Variants in IL31RA observed in about 807,000 individuals in gnomAD.
The protein encoded by IL31RA is interleukin 31 receptor A.
In IL31RA, 66 loss-of-function variants were observed where a neutral mutation model predicts 83.7. That is an observed-to-expected ratio of 0.79 (90% CI 0.65 to 0.97). The LOEUF (loss-of-function observed/expected upper bound fraction) is 0.97, where lower values mean the gene tolerates loss of function less well. IL31RA is among the 50% of genes least tolerant of loss of function. The probability of loss-of-function intolerance (pLI) is 0.00; values close to 1 mark genes in which losing one functional copy is unlikely to be tolerated. For missense variants in IL31RA, 798 were observed against 919.4 expected (o/e 0.87, Z 1.71); for synonymous variants, 325 against 329.0 (o/e 0.99, Z 0.13).
the IL31RA span, among the ~76,000 whole-genome samples, chr5:55,841,824 T>TA: frequency 6.6e-6 from 1 of 151,870 alleles, no homozygotes; most frequent in African/African-American, 2.4e-5. Context: ...ACTTGGTGGC[T>TA]AAAAAACCAC....
intron 11 of IL31RA, 97 bp from the exon 12 acceptor site, chr5:55,910,435 G>T: frequency 7.3e-7 from 1 of 1,369,738 alleles, no homozygotes; most frequent in Non-Finnish European, 1.0e-6. Context: ...AGCTGAGCTT[G>T]GAAGCACAGG....
intron 1 of IL31RA, among the ~76,000 whole-genome samples, chr5:55,855,038 G>T (rs972958810): frequency 6.6e-6 from 1 of 152,088 alleles, no homozygotes; most frequent in African/African-American, 2.4e-5. Flanking sequence ...ACTGAGAGAG[G>T]CTGAGCAGTG....
intron 5 of IL31RA, among the ~76,000 whole-genome samples, chr5:55,889,482 A>G (rs937317076): frequency 6.6e-5 from 10 of 152,240 alleles, no homozygotes; most frequent in Non-Finnish European, 1.2e-4. Flanking sequence ...TTCTGATCCT[A>G]TTCTGTAGAT....
At chr5:55,855,333 A>ATATT (rs1554083877) in intron 1 of IL31RA, among the ~76,000 whole-genome samples, 2 of 150,548 alleles carry the variant, frequency 1.3e-5, no homozygotes, top group African/African-American at 4.9e-5. Flanking sequence ...ATATATATAT[A>ATATT]TTTTTAGAGA....
chr5:55,868,933 T>C, intron 3 of IL31RA, 25 bp downstream of exon 3: 1 of 1,233,286 alleles, frequency 8.1e-7, no homozygotes. Context: ...TTGTGTTTTA[T>C]CAGTCAGGGC....
At chr5:55,864,352 C>T (rs10075417) in intron 2 of IL31RA, among the ~76,000 whole-genome samples, 11,791 of 146,888 alleles carry the variant, frequency 0.08, 855 homozygotes, top group African/African-American at 0.19. Context: ...CACACACACA[C>T]ACACCACACA....
rs751518163 is a variant in IL31RA at position 55,922,396 on chromosome 5, G to A, written c.*5276G>A. On this transcript the variant is annotated 3_prime_UTR_variant, in exon 15 of 15. Coordinates refer to ENST00000652347, the MANE Select transcript of IL31RA (RefSeq NM_139017.7). The stretch of plus-strand genomic sequence containing the variant: ...CTTGTACTATGCATTTCATTTTTAG[G>A]ACTAGAATTCTGTCTTCCTGCCCAA... 1.3e-6 allele frequency: 2 copies of A among 1,550,418 alleles called. No individual in the cohort carries two copies. The highest frequency in any genetic ancestry group is 2.4e-5 in the South Asian group (2 of 84,052).
intron 5 of IL31RA, among the ~76,000 whole-genome samples, chr5:55,885,394 A>G (rs1747524312): frequency 6.6e-6 from 1 of 152,194 alleles, no homozygotes; most frequent in Admixed American, 6.5e-5. Context: ...GGCGAAAAGG[A>G]AAAAAGAGAA....
In IL31RA at chr5:55,884,804, T is replaced by C. The variant is rs142147082; in HGVS notation, c.606+1609T>C. The stretch of plus-strand genomic sequence containing the variant: ...TGAAGACTTGCCAGTAAAACATACC[T>C]CTACTATCTTATCATTTGTTGGTTT... On this transcript the variant is annotated intron_variant, in intron 5 of 14. Transcript: ENST00000652347. Among the ~76,000 whole-genome samples, 622 of 152,298 alleles carry C rather than the reference T, an allele frequency of 4.1e-3. 5 individuals carry two copies. The highest frequency in any genetic ancestry group is 0.014 in the African/African-American group (598 of 41,544).
chr5:55,867,330 T>C (rs1473723877), intron 2 of IL31RA, among the ~76,000 whole-genome samples: 1 of 151,598 alleles, frequency 6.6e-6, no homozygotes, highest in Non-Finnish European at 1.5e-5. Flanking sequence ...TGTGTGTGTG[T>C]GTGTGTATGT....
intron 11 of IL31RA, among the ~76,000 whole-genome samples, chr5:55,910,139 G>T (rs1367374985): frequency 6.6e-6 from 1 of 152,084 alleles, no homozygotes; most frequent in Non-Finnish European, 1.5e-5. Context: ...TCAGATATAT[G>T]ATTTGTAAAT....
At chr5:55,876,367 C>G (rs911725783) in intron 4 of IL31RA, among the ~76,000 whole-genome samples, 2 of 152,210 alleles carry the variant, frequency 1.3e-5, no homozygotes, top group Admixed American at 1.3e-4. Context: ...GATCATGCCA[C>G]TACACTCCAG....
intron 11 of IL31RA, 49 bp downstream of exon 11, chr5:55,908,460 A>G (rs1749296457): frequency 1.2e-6 from 2 of 1,614,216 alleles, no homozygotes; most frequent in African/African-American, 2.7e-5. Context: ...CCCCAGATAG[A>G]TGCTATGGAT....
At chr5:55,851,757 G>C (rs1456155881) in intron 1 of IL31RA, 124 bp downstream of exon 1, 1 of 1,592,812 alleles carries the variant, frequency 6.3e-7, no homozygotes, top group Non-Finnish European at 8.6e-7. Context: ...AGCCGTATGA[G>C]ATTCCGTGGC....
the IL31RA span, among the ~76,000 whole-genome samples, chr5:55,840,424 TA>T: frequency 6.6e-6 from 1 of 152,216 alleles, no homozygotes; most frequent in Non-Finnish European, 1.5e-5. Flanking sequence ...AAGATGAGGT[TA>T]GTAACGTAAG....
upstream of IL31RA, among the ~76,000 whole-genome samples, chr5:55,846,748 T>C (rs1419274119): frequency 6.6e-6 from 1 of 151,954 alleles, no homozygotes; most frequent in Non-Finnish European, 1.5e-5. Context: ...GCCAAGATCA[T>C]GCCACTGCAC....
intron 14 of IL31RA, 111 bp from the exon 15 acceptor site, chr5:55,916,533 G>A (rs1322081058): frequency 5.6e-6 from 5 of 889,190 alleles, no homozygotes; most frequent in African/African-American, 4.9e-5. Context: ...TGGGAGGAAG[G>A]TGGGGGCTGT....
At position 55,906,299 on chromosome 5, in the gene IL31RA, C is replaced by A. The variant is rs373105087; in HGVS notation, c.1252+11C>A. Reference sequence around the variant, plus strand: ...GGACGATCCAGCAAGGTAGCCAGGGCGGAACTCACAGGTTCCCTCAGTGCA... The same window carrying A: ...GGACGATCCAGCAAGGTAGCCAGGGAGGAACTCACAGGTTCCCTCAGTGCA... On this transcript the variant is annotated intron_variant, in intron 9 of 14. Coordinates refer to ENST00000652347, the MANE Select transcript of IL31RA (RefSeq NM_139017.7). 1 of 1,613,222 alleles carries A rather than the reference C, an allele frequency of 6.2e-7. No homozygotes were observed. Among genetic ancestry groups the A allele is most frequent in the Non-Finnish European group, 8.5e-7 (1 of 1,179,722 alleles).
intron 3 of IL31RA, among the ~76,000 whole-genome samples, chr5:55,870,825 A>G (rs1746461979): frequency 6.6e-6 from 1 of 152,350 alleles, no homozygotes; most frequent in Non-Finnish European, 1.5e-5. Flanking sequence ...TCTGATGTCC[A>G]GAAACAATAG....
Sources: allele counts gnomAD v4.1 joint callset (sites outside exome capture counted in the v4.1 genomes callset), GRCh38; gene constraint gnomAD v4.1.1; transcripts MANE v1.5; gene names NCBI Gene and HGNC (gene_info 2026-07-23, HGNC 2026-07-21).